Variants in LIFR observed in about 807,000 individuals in gnomAD.
The protein encoded by LIFR is LIF receptor subunit alpha.
LIFR carries 84 observed loss-of-function variants against 122.2 expected under a neutral mutation model. That is an observed-to-expected ratio of 0.69 (90% CI 0.58 to 0.82). The LOEUF (loss-of-function observed/expected upper bound fraction) is 0.82. Among genes scored for constraint, LIFR ranks in the 40% least tolerant of loss-of-function variants. The pLI, the probability that LIFR is intolerant of heterozygous loss-of-function variation, is 0.00. For synonymous variants in LIFR, 422 were observed against 434.7 expected, an observed-to-expected ratio of 0.97 and a Z score of 0.36; for missense variants, 1,294 against 1,311.6, an observed-to-expected ratio of 0.99 and a Z score of 0.21.
At position 38,481,615 on chromosome 5, in the gene LIFR, G is replaced by A; in HGVS notation, c.3274C>T (p.Gln1092Ter). 1 of 1,614,086 alleles carries A rather than the reference G, an allele frequency of 6.2e-7. No homozygotes were observed. The highest frequency in any genetic ancestry group is 8.5e-7 in the Non-Finnish European group (1 of 1,179,978). ...CACTGTTAATCGTTTGGTTTGTTCT[G>A]AAAAAAGTTTGTAAAGGACCACCCT... ...GGGWSFTNFF[Q>*]NKPND Residue 1092 changes from glutamine (Q) to a stop codon, truncating the protein, a stop_gained, in exon 20 of 20, where the codon CAG becomes TAG. Coordinates refer to ENST00000453190, the MANE Select transcript of LIFR (RefSeq NM_001127671.2). LOFTEE classifies it high-confidence loss of function.
chr5:38,510,286 A>C (rs1038035668), intron 7 of LIFR, among the ~76,000 whole-genome samples, 178 bp downstream of exon 7: 4 of 152,212 alleles, frequency 2.6e-5, no homozygotes, highest in Non-Finnish European at 5.9e-5. Context: ...CAAGCTTGCA[A>C]TTCATTTTAA....
At chr5:38,528,685 T>A in intron 3 of LIFR, 41 bp downstream of exon 3, 1 of 1,221,890 alleles carries the variant, frequency 8.2e-7, no homozygotes, top group Non-Finnish European at 1.2e-6. Context: ...GTTTCTGCAA[T>A]TCAACCTAGC....
chr5:38,580,924 G>A (rs1749560453), intron 1 of LIFR, among the ~76,000 whole-genome samples: 1 of 152,142 alleles, frequency 6.6e-6, no homozygotes, highest in Non-Finnish European at 1.5e-5. Flanking sequence ...GCTTCTGAGA[G>A]TGGGATATGG....
At chr5:38,566,636 T>A (rs1400691783) in intron 1 of LIFR, among the ~76,000 whole-genome samples, 2 of 152,186 alleles carry the variant, frequency 1.3e-5, no homozygotes, top group Non-Finnish European at 2.9e-5. Context: ...GAACCCTTAG[T>A]TCATTGTGGA....
At position 38,585,046 on chromosome 5, in the gene LIFR, A is replaced by G. The variant is rs73072809; in HGVS notation, c.-20+10215T>C. ...AATGCTTTCCAAAGAAATATTCTTCATAGGATATTGTATGATGGCTAAAGA... is the reference window on the plus strand; with the variant it reads ...AATGCTTTCCAAAGAAATATTCTTCGTAGGATATTGTATGATGGCTAAAGA... On this transcript the variant is annotated intron_variant, in intron 1 of 19. Coordinates refer to the LIFR transcript ENST00000263409. Among the ~76,000 whole-genome samples the G allele has an allele frequency of 5.2e-3, 785 of 152,358 alleles. 12 individuals are homozygous for G. The highest frequency in any genetic ancestry group is 0.018 in the African/African-American group (735 of 41,594).
In LIFR at chr5:38,489,232, T is replaced by A. The variant is rs965497151; in HGVS notation, c.2181A>T (p.Ala727=). 6.2e-7 allele frequency: 1 copy of A among 1,612,596 alleles called. No individual in the cohort carries two copies. The highest frequency in any genetic ancestry group is 1.3e-5 in the African/African-American group (1 of 74,894). Residue 727 remains alanine (A), a synonymous_variant, in exon 16 of 20, where the codon GCA becomes GCT. Transcript: ENST00000453190. The part of the protein sequence containing the change: ...GYIEELAPIV[A]PNFTVEDTSA... ...AAGTATCCTCAACAGTAAAATTTGG[T>A]GCAACAATGGGAGCTGTAAAAGGAA...
At chr5:38,598,634 C>T (rs1750167479), upstream of LIFR, among the ~76,000 whole-genome samples, 1 of 152,124 alleles carries the variant, frequency 6.6e-6, no homozygotes. Flanking sequence ...TCACCCGCTC[C>T]TGCCCCTTCC....
chr5:38,576,828 C>T (rs960959861), intron 1 of LIFR, among the ~76,000 whole-genome samples: 14 of 152,092 alleles, frequency 9.2e-5, no homozygotes, highest in African/African-American at 2.4e-4. Flanking sequence ...GGGAGGGATT[C>T]GGGGCAATAT....
chr5:38,504,212 C>T (rs762532530), intron 9 of LIFR, 91 bp from the exon 10 acceptor site: 62 of 935,206 alleles, frequency 6.6e-5, no homozygotes, highest in African/African-American at 1.7e-4. Flanking sequence ...TAAAAAACAA[C>T]GAGGCATCAT....
At chr5:38,559,695 C>T (rs74762849), upstream of LIFR, among the ~76,000 whole-genome samples, 1,295 of 152,192 alleles carry the variant, frequency 8.5e-3, 115 homozygotes, top group East Asian at 0.2. Flanking sequence ...AGTCACAAAA[C>T]TGAAGTAAAA....
chr5:38,564,550 T>G (rs571762475), intron 1 of LIFR, among the ~76,000 whole-genome samples: 1 of 152,100 alleles, frequency 6.6e-6, no homozygotes, highest in African/African-American at 2.4e-5. Flanking sequence ...GCTATTCATC[T>G]CTGGTGGGTT....
chr5:38,589,178 T>G (rs1257946886), intron 1 of LIFR, among the ~76,000 whole-genome samples: 1 of 151,968 alleles, frequency 6.6e-6, no homozygotes, highest in Admixed American at 6.6e-5. Flanking sequence ...TTATTTTTTT[T>G]TTGTATTTTT....
At chr5:38,538,427 T>A (rs187527996) in intron 1 of LIFR, among the ~76,000 whole-genome samples, 86 of 152,342 alleles carry the variant, frequency 5.6e-4, no homozygotes, top group Middle Eastern at 6.8e-3. Context: ...CAAGTAAGGT[T>A]CCTTCAGGCA....
At chr5:38,515,241 T>C (rs1415482072) in intron 5 of LIFR, among the ~76,000 whole-genome samples, 2 of 152,284 alleles carry the variant, frequency 1.3e-5, no homozygotes, top group Non-Finnish European at 2.9e-5. Context: ...CCACAAGCGG[T>C]CTCGGCTATT....
At chr5:38,490,356 A>T (rs566236789) in intron 14 of LIFR, 65 bp from the exon 15 acceptor site, 2 of 729,520 alleles carry the variant, frequency 2.7e-6, no homozygotes, top group South Asian at 3.6e-5. Context: ...TTTTAGAAAC[A>T]TCAAGTTCAT....
chr5:38,503,900 T>C lies in LIFR; in HGVS notation c.1437+76A>G. 4 of 1,033,586 alleles carry C rather than the reference T, an allele frequency of 3.9e-6. No individual in the cohort carries two copies. The South Asian group carries it at 5.4e-5, about 14-fold the overall frequency. The allele number at this position is 1,033,586 out of a possible 1,614,324, so 64.0% of individuals were successfully genotyped here. ...AATAAATAATCTGAGAGCTTAAGCA[T>C]ATCAATTTGCTTAATTCTTTTTGAG... On this transcript the variant is annotated intron_variant, in intron 10 of 19. Transcript: ENST00000453190.
intron 1 of LIFR, among the ~76,000 whole-genome samples, chr5:38,566,756 A>G (rs1380142638): frequency 6.6e-6 from 1 of 152,182 alleles, no homozygotes; most frequent in Non-Finnish European, 1.5e-5. Context: ...TAGGGAACCT[A>G]TTCCTCATTC....
intron 12 of LIFR, among the ~76,000 whole-genome samples, chr5:38,499,042 T>C (rs1745037909): frequency 6.6e-6 from 1 of 152,016 alleles, no homozygotes; most frequent in South Asian, 2.1e-4. Context: ...CAGAGAAAAA[T>C]TAGTAAAATA....
In LIFR at chr5:38,475,720, A is replaced by G. The variant is rs914580137; in HGVS notation, c.*5875T>C. On this transcript the variant is annotated 3_prime_UTR_variant, in exon 20 of 20. Coordinates refer to ENST00000453190, the MANE Select transcript of LIFR (RefSeq NM_001127671.2). ...TCACTATAATGCAATTTTGAAAGTA[A>G]AAAAAGGTAATTTCCTAGTGTTATA... 1.2e-4 allele frequency: 22 copies of G among 188,544 alleles called. No homozygotes were observed. Among genetic ancestry groups the G allele is most frequent in the African/African-American group, 5.1e-4 (22 of 42,868 alleles). 11.7% of individuals were successfully genotyped at this position (188,544 alleles called of 1,614,324 possible).
Sources: gnomAD v4.1 joint callset for allele counts (sites outside exome capture counted in the v4.1 genomes callset) on GRCh38, gnomAD v4.1.1 for gene constraint, MANE v1.5 for transcripts, NCBI Gene and HGNC (gene_info 2026-07-23, HGNC 2026-07-21) for gene names.